The following NHSL2 variants were observed in gnomAD, a reference collection of about 807,000 sequenced individuals.
NHSL2 encodes the protein NHS-like protein 2.
A neutral mutation model predicts 53.4 loss-of-function variants in NHSL2; 27 were observed. The ratio of observed to expected loss-of-function variants is 0.51; its 90% CI spans 0.37 to 0.70. The LOEUF (loss-of-function observed/expected upper bound fraction) is 0.70. Ranked by LOEUF, NHSL2 falls within the 30% of genes least tolerant of loss-of-function variation. The pLI, the probability that NHSL2 is intolerant of heterozygous loss-of-function variation, is 0.00. For missense variants in NHSL2, 892 were observed against 980.1 expected (o/e 0.91, Z 1.20); for synonymous variants, 408 against 404.1 (o/e 1.01, Z -0.12).
chrX:72,094,353 AGTTTATT>A (rs2041926855), intron 1 of NHSL2, among the ~76,000 whole-genome samples: 1 of 112,043 alleles, frequency 8.9e-6, no homozygotes, highest in African/African-American at 3.2e-5. Context: ...CATACTGTAT[AGTTTATT>A]GTTTATGAGC....
chrX:72,103,006 G>A (rs1311906298), intron 1 of NHSL2, among the ~76,000 whole-genome samples: 5 of 112,449 alleles, frequency 4.4e-5, no homozygotes, highest in African/African-American at 1.6e-4. Flanking sequence ...CAGTAGCAAA[G>A]CAGAGGCTGC....
At chrX:71,981,230 C>T (rs1436689593) in intron 1 of NHSL2, among the ~76,000 whole-genome samples, 1 of 112,491 alleles carries the variant, frequency 8.9e-6, no homozygotes, top group Non-Finnish European at 1.9e-5. Flanking sequence ...AGGGAAAAGA[C>T]AGCCCAAAGA....
chrX:72,012,496 C>T (rs1296660589), intron 1 of NHSL2, among the ~76,000 whole-genome samples: 1 of 112,562 alleles, frequency 8.9e-6, no homozygotes, highest in Non-Finnish European at 1.9e-5. Context: ...TGCCAATACT[C>T]CTTGGCTTAT....
At chrX:71,988,713 CA>C (rs1007458898) in intron 1 of NHSL2, among the ~76,000 whole-genome samples, 2 of 111,397 alleles carry the variant, frequency 1.8e-5, no homozygotes, top group African/African-American at 6.5e-5. Flanking sequence ...ATCGTTCCTT[CA>C]GGGTTTGCCA....
intron 1 of NHSL2, among the ~76,000 whole-genome samples, chrX:72,124,227 G>A (rs1030349195): frequency 1.8e-5 from 2 of 109,780 alleles, no homozygotes; most frequent in African/African-American, 6.7e-5. Flanking sequence ...CACTTCTGGC[G>A]GTCAAGGGCA....
intron 1 of NHSL2, among the ~76,000 whole-genome samples, chrX:71,942,970 C>CTGTGTGTG (rs1348513435): frequency 1.2e-4 from 2 of 17,081 alleles, no homozygotes; most frequent in African/African-American, 3.1e-4. Context: ...CTCTCTCTCT[C>CTGTGTGTG]TCTGTGTGTG....
At chrX:71,938,834 G>C (rs2041752141) in intron 1 of NHSL2, among the ~76,000 whole-genome samples, 1 of 112,601 alleles carries the variant, frequency 8.9e-6, no homozygotes, top group East Asian at 2.8e-4. Flanking sequence ...CAGGCAGCTG[G>C]CCCCAGGATG....
intron 1 of NHSL2, among the ~76,000 whole-genome samples, chrX:72,049,862 T>C (rs1338372148): frequency 3.0e-5 from 3 of 100,978 alleles, no homozygotes; most frequent in African/African-American, 1.1e-4. Flanking sequence ...TCCCTTTCAC[T>C]TACACATGTT....
At chrX:72,091,587 G>A (rs922604975) in intron 1 of NHSL2, among the ~76,000 whole-genome samples, 3 of 112,111 alleles carry the variant, frequency 2.7e-5, no homozygotes, top group South Asian at 3.7e-4. Context: ...CATGTGATAA[G>A]CCTTTTAAAT....
intron 1 of NHSL2, among the ~76,000 whole-genome samples, chrX:71,965,532 G>A (rs1459321479): frequency 8.9e-6 from 1 of 111,962 alleles, no homozygotes; most frequent in African/African-American, 3.2e-5. Context: ...AAGTCTCAAG[G>A]TTGGGCAGTG....
intron 1 of NHSL2, among the ~76,000 whole-genome samples, chrX:71,960,433 A>G (rs1417253886): frequency 1.8e-5 from 2 of 112,263 alleles, no homozygotes; most frequent in Admixed American, 1.9e-4. Context: ...TTTGTTGCTT[A>G]TGCTTTTGGT....
At chrX:72,024,174 G>A (rs894876085) in intron 1 of NHSL2, among the ~76,000 whole-genome samples, 3 of 112,094 alleles carry the variant, frequency 2.7e-5, no homozygotes, top group Non-Finnish European at 5.6e-5. Flanking sequence ...ATTAGGGAGC[G>A]CTGTGGGTTT....
chrX:71,924,472 T>C (rs2041674809), intron 1 of NHSL2, among the ~76,000 whole-genome samples: 1 of 111,768 alleles, frequency 8.9e-6, no homozygotes, highest in South Asian at 3.8e-4. Flanking sequence ...ATTTCCTTCT[T>C]TTACCACCTC....
chrX:71,968,696 AT>A, intron 1 of NHSL2, among the ~76,000 whole-genome samples: 1 of 112,025 alleles, frequency 8.9e-6, no homozygotes, highest in South Asian at 3.7e-4. Context: ...ATCTTCTTTA[AT>A]TTTTGTGTAT....
chrX:71,974,931 T>C (rs1291691109), intron 1 of NHSL2, among the ~76,000 whole-genome samples: 1 of 112,105 alleles, frequency 8.9e-6, no homozygotes, highest in African/African-American at 3.2e-5. Context: ...ATCCCCACCA[T>C]TTTATCAATG....
Position 72,149,973 on chromosome X carries a change from A to T in NHSL2, c.*6399A>T, listed in dbSNP as rs1038291083. On this transcript the variant is annotated 3_prime_UTR_variant, in exon 8 of 8. Coordinates refer to ENST00000633930, the MANE Select transcript of NHSL2 (RefSeq NM_001013627.3). Reference sequence around the variant, plus strand: ...TTCCAGGTCTCCTGCCCTTGGGCCCAATCTGGTTTCATTTAAAGCACTACA... The same window carrying T: ...TTCCAGGTCTCCTGCCCTTGGGCCCTATCTGGTTTCATTTAAAGCACTACA... The T allele has an allele frequency of 1.8e-5, 2 of 112,543 alleles. No individual in the cohort carries two copies. The highest frequency in any genetic ancestry group is 1.9e-4 in the Admixed American group (2 of 10,634). 9.3% of individuals were successfully genotyped at this position (112,543 alleles called of 1,213,427 possible).
chrX:72,138,147 A>G (rs762450244), intron 5 of NHSL2, among the ~76,000 whole-genome samples: 2 of 111,679 alleles, frequency 1.8e-5, no homozygotes, highest in Admixed American at 1.9e-4. Context: ...GGGTGAAAGT[A>G]TGGGGAAAAT....
intron 1 of NHSL2, among the ~76,000 whole-genome samples, chrX:71,996,609 T>C (rs1194922945): frequency 8.9e-6 from 1 of 112,517 alleles, no homozygotes; most frequent in East Asian, 2.8e-4. Context: ...ATCCTTATGC[T>C]AACCATGTGA....
chrX:71,981,114 A>G (rs1453575802), intron 1 of NHSL2, among the ~76,000 whole-genome samples: 2 of 112,447 alleles, frequency 1.8e-5, no homozygotes, highest in African/African-American at 6.5e-5. Context: ...GAATCAGGCA[A>G]TGGTTTCTTA....
Sources: allele counts gnomAD v4.1 joint callset (sites outside exome capture counted in the v4.1 genomes callset), GRCh38; gene constraint gnomAD v4.1.1; transcripts MANE v1.5; gene names NCBI Gene and HGNC (gene_info 2026-07-23, HGNC 2026-07-21).